Variants in TUBGCP6 observed in about 807,000 individuals in gnomAD.
TUBGCP6 encodes gamma-tubulin complex component 6.
Under a neutral mutation model 175.8 loss-of-function variants are expected in TUBGCP6, and 161 were observed. The ratio of observed to expected loss-of-function variants is 0.92; its 90% CI spans 0.81 to 1.04. The LOEUF (loss-of-function observed/expected upper bound fraction) is 1.04, where lower values mean the gene tolerates loss of function less well. Among genes scored for constraint, TUBGCP6 ranks in the 50% least tolerant of loss-of-function variants. TUBGCP6 has a pLI of 0.00. For missense variants in TUBGCP6, 2,572 were observed against 2,433.0 expected, an observed-to-expected ratio of 1.06 and a Z score of -1.20; for synonymous variants, 1,173 against 1,030.5, an observed-to-expected ratio of 1.14 and a Z score of -2.65.
rs1362003993 is a variant in TUBGCP6 at position 50,224,170 on chromosome 22, G to C, written c.2241C>G (p.Ser747=). The C allele has an allele frequency of 6.2e-7, 1 of 1,613,766 alleles. No homozygotes were observed. Among genetic ancestry groups the C allele is most frequent in the East Asian group, 2.2e-5 (1 of 44,892 alleles). ...ELRDRERRLK[S]LEEELERKAR... is the part of the protein sequence containing the mutation. ...CCTTCCTCTCCAGCTCCTCCTCCAG[G>C]GACTTCAGCCTTCTCTCCCTGTCTC... Residue 747 remains serine, a synonymous_variant, in exon 13 of 25, where the codon TCC becomes TCG. Coordinates refer to ENST00000248846, the MANE Select transcript of TUBGCP6 (RefSeq NM_020461.4).
At chr22:50,239,587 G>A (rs1362591049) in intron 2 of TUBGCP6, among the ~76,000 whole-genome samples, 1 of 152,230 alleles carries the variant, frequency 6.6e-6, no homozygotes, top group Admixed American at 6.5e-5. Flanking sequence ...GAGCCAGGGA[G>A]TGAGTGGCTA....
In TUBGCP6 at chr22:50,225,922, CG is replaced by C. The variant is rs2064600565; in HGVS notation, c.1854del (p.Asp618GlufsTer9). The C allele has an allele frequency of 6.2e-7, 1 of 1,613,730 alleles. No individual in the cohort carries two copies. The highest frequency in any genetic ancestry group is 8.5e-7 in the Non-Finnish European group (1 of 1,179,940). ...ATCACCGAGATCCGGGGGACAGGGA[CG>C]TCGGACCAACAGAGGTAATGCTGCC... The part of the protein sequence containing the change: ...CCPRHYLCWS[D>X]VPVPRISVIF... On this transcript the variant is annotated frameshift_variant, in exon 10 of 25. Coordinates refer to ENST00000248846, the MANE Select transcript of TUBGCP6 (RefSeq NM_020461.4). LOFTEE classifies it high-confidence loss of function.
rs753385673 is a variant in TUBGCP6, at chr22:50,221,189, G to A, written c.3170C>T (p.Ser1057Phe). 1.4e-5 allele frequency: 23 copies of A among 1,608,232 alleles called. 1 individual carries two copies. The highest frequency in any genetic ancestry group is 3.4e-5 in the Admixed American group (2 of 59,698). The change falls in exon 16 of 25, where the codon TCT becomes TTT. Residue 1057 changes from serine (S) to phenylalanine (F), a missense_variant. Coordinates refer to ENST00000248846, the MANE Select transcript of TUBGCP6 (RefSeq NM_020461.4). ...CTCCCCGACCCTGATGCTGGCGTCA[G>A]ACACGTGCCCGTGGGTGTTCCACCG... ...RPRWNTHGHVSDASIRVGENV... is the reference protein window; with the variant it reads ...RPRWNTHGHVFDASIRVGENV...
In TUBGCP6 at chr22:50,244,673, G is replaced by T. The variant is rs1601614082; in HGVS notation, c.-214C>A. 3 of 716,340 alleles carry T rather than the reference G, an allele frequency of 4.2e-6. No homozygotes were observed. The highest frequency in any genetic ancestry group is 6.4e-6 in the Non-Finnish European group (3 of 466,712). 44.4% of individuals were successfully genotyped at this position (716,340 alleles called of 1,614,324 possible). ...GCCCTGCCCTCCCCAGTCCAAGCAC[G>T]CTGCCCGGCGCCCGGCAGCCCACCA... On this transcript the variant is annotated 5_prime_UTR_variant, in exon 1 of 25. Coordinates refer to ENST00000248846, the MANE Select transcript of TUBGCP6 (RefSeq NM_020461.4).
At chr22:50,240,728 G>A (rs1393162666) in intron 1 of TUBGCP6, among the ~76,000 whole-genome samples, 3 of 152,192 alleles carry the variant, frequency 2.0e-5, no homozygotes, top group South Asian at 2.1e-4. Flanking sequence ...AGTGGCTCAC[G>A]CCTGTAATCC....
In TUBGCP6 at chr22:50,218,718, C is replaced by T. The variant is rs2064461685; in HGVS notation, c.4806G>A (p.Leu1602=). 3 of 1,613,794 alleles carry T rather than the reference C, an allele frequency of 1.9e-6. No homozygotes were observed. The highest frequency in any genetic ancestry group is 2.2e-5 in the East Asian group (1 of 44,870). Residue 1602 remains leucine, a synonymous_variant, in exon 21 of 25, where the codon CTG becomes CTA. Transcript: ENST00000248846. ...TGCTGCTGACCTTGTACCTGAGCTC[C>T]AGGCAGCTCAGCACATCCGGGGCGT... is the stretch of plus-strand genomic sequence containing the variant. ...APNAPDVLSC[L]ELRYKVDWPL...
chr22:50,240,383 A>G lies in TUBGCP6; in HGVS notation c.742-16T>C, dbSNP rs759920169. 1.2e-6 allele frequency: 2 copies of G among 1,613,592 alleles called. No individual in the cohort carries two copies. The highest frequency in any genetic ancestry group is 2.2e-5 in the East Asian group (1 of 44,880). On this transcript the variant is annotated splice_polypyrimidine_tract_variant and intron_variant, in intron 1 of 24. Coordinates refer to ENST00000248846, the MANE Select transcript of TUBGCP6 (RefSeq NM_020461.4). ...TCGGTGGGACCTGGAGACACAGGGA[A>G]GGGCAAACCGCCACTTATTGCTGTG...
Position 50,236,533 on chromosome 22 carries a change from G to A in TUBGCP6, c.906-3007C>T, listed in dbSNP as rs554979893. ...AGGAAATTTGCCTTCTGCTGGTGCT[G>A]AGGCTGTGAAACCACATGTACTGGC... is the stretch of plus-strand genomic sequence containing the variant. On this transcript the variant is annotated intron_variant, in intron 2 of 24. Transcript: ENST00000248846. Among the ~76,000 whole-genome samples the A allele has an allele frequency of 6.6e-5, 10 of 152,276 alleles. No homozygotes were observed. The South Asian group carries it at 2.1e-3, about 32-fold the overall frequency.
At position 50,219,133 on chromosome 22, in the gene TUBGCP6, G is replaced by T; in HGVS notation, c.4561C>A (p.Arg1521=). Residue 1521 remains arginine, a synonymous_variant, in exon 20 of 25, where the codon CGG becomes AGG. Coordinates refer to ENST00000248846, the MANE Select transcript of TUBGCP6 (RefSeq NM_020461.4). The part of the protein sequence containing the change: ...LHLEAHYEAL[R]HFLLMEDGEF... ...CCGTCCTCCATCAGCAGGAAGTGCC[G>T]CAGTGCCTCATAGTGCGCCTCCAGG... is the stretch of plus-strand genomic sequence containing the variant. 2 of 1,612,982 alleles carry T rather than the reference G, an allele frequency of 1.2e-6. No homozygotes were observed. The highest frequency in any genetic ancestry group is 2.2e-5 in the South Asian group (2 of 91,010).
intron 2 of TUBGCP6, among the ~76,000 whole-genome samples, chr22:50,235,155 A>T (rs527700047): frequency 1.3e-5 from 1 of 79,450 alleles, no homozygotes; most frequent in African/African-American, 5.9e-5. Flanking sequence ...TCCACACCCC[A>T]GTCCATGGCA....
chr22:50,231,863 A>G (rs2064697974), intron 3 of TUBGCP6, among the ~76,000 whole-genome samples: 1 of 151,302 alleles, frequency 6.6e-6, no homozygotes, highest in Admixed American at 6.6e-5. Context: ...CCGTCTCAAA[A>G]AAAAAAAAAA....
intron 16 of TUBGCP6, 95 bp downstream of exon 16, chr22:50,220,156 G>T: frequency 6.5e-7 from 1 of 1,548,340 alleles, no homozygotes. Flanking sequence ...GGCCTGAGGG[G>T]AACTTCACAT....
intron 1 of TUBGCP6, among the ~76,000 whole-genome samples, chr22:50,241,897 C>G (rs1328279395): frequency 1.0e-4 from 14 of 138,654 alleles, no homozygotes. Context: ...TGTCTTGTGT[C>G]TTTATTTCTA....
chr22:50,230,992 G>T (rs892600478), intron 3 of TUBGCP6, among the ~76,000 whole-genome samples: 1 of 140,406 alleles, frequency 7.1e-6, no homozygotes, highest in East Asian at 2.3e-4. Context: ...TGAGGCAGGA[G>T]AATTGCTTAA....
At chr22:50,219,599 C>T (rs1366509167) in intron 18 of TUBGCP6, 45 bp downstream of exon 18, 1 of 1,602,866 alleles carries the variant, frequency 6.2e-7, no homozygotes, top group African/African-American at 1.3e-5. Context: ...GTGCTGGGAA[C>T]CAGCCAGCCC....
chr22:50,236,439 T>C (rs1285743678), intron 2 of TUBGCP6, among the ~76,000 whole-genome samples: 1 of 152,098 alleles, frequency 6.6e-6, no homozygotes, highest in Non-Finnish European at 1.5e-5. Context: ...CTGGCTAAGT[T>C]CACAAATTTT....
rs769776034 is a variant in TUBGCP6 at position 50,244,153 on chromosome 22, G to A, written c.307C>T (p.Pro103Ser). 2 of 1,613,460 alleles carry A rather than the reference G, an allele frequency of 1.2e-6. No individual in the cohort carries two copies. The highest frequency in any genetic ancestry group is 1.7e-6 in the Non-Finnish European group (2 of 1,180,054). ...VEELEAAPCC[P>S]LLEVGSVLDL... ...AAAACAGACCCCACCTCCAAAAGCG[G>A]ACAGCAAGGGGCTGCTTCCAGCTCC... is the stretch of plus-strand genomic sequence containing the variant. The change falls in exon 1 of 25, where the codon CCG becomes TCG. Residue 103 changes from proline (P) to serine (S), a missense_variant. Physicochemically the swap from Pro to Ser is moderately conservative, Grantham distance 74. Transcript: ENST00000248846.
Position 50,227,349 on chromosome 22 carries a change from A to G in TUBGCP6, c.1413-272T>C, listed in dbSNP as rs144273765. Among the ~76,000 whole-genome samples, 588 of 151,930 alleles carry G rather than the reference A, an allele frequency of 3.9e-3. 5 individuals are homozygous for G. The highest frequency in any genetic ancestry group is 0.014 in the African/African-American group (563 of 41,420). On this transcript the variant is annotated intron_variant, in intron 5 of 24. Transcript: ENST00000248846. ...CTCCCAGGATCTGGCCAACACACGA[A>G]TCACCCTGATCCTCCCACTTCTGGG... is the stretch of plus-strand genomic sequence containing the variant.
chr22:50,217,934 G>A lies in TUBGCP6; in HGVS notation c.5352C>T (p.Ser1784=). 2 of 1,607,172 alleles carry A rather than the reference G, an allele frequency of 1.2e-6. No homozygotes were observed. The highest frequency in any genetic ancestry group is 1.7e-6 in the Non-Finnish European group (2 of 1,175,892). The change falls in exon 24 of 25, where the codon TCC becomes TCT. Residue 1784 remains serine (S), a synonymous_variant. Coordinates refer to ENST00000248846, the MANE Select transcript of TUBGCP6 (RefSeq NM_020461.4). ...GGGCCTCACCTTTGAAGAGAAAGTG[G>A]GAGTAGTACTTGAAGGTGTTGTAGG... ...QQSYNTFKYY[S]HFLFKVVTKL... is the part of the protein sequence containing the mutation.
Sources: allele counts gnomAD v4.1 joint callset (sites outside exome capture counted in the v4.1 genomes callset), GRCh38; gene constraint gnomAD v4.1.1; transcripts MANE v1.5; gene names NCBI Gene and HGNC (gene_info 2026-07-23, HGNC 2026-07-21).